BTD: variants seen among roughly 807,000 people sequenced by gnomAD.
BTD encodes the protein biotinidase, also known as biocytinase.
Under a neutral mutation model 17.7 loss-of-function variants are expected in BTD, and 13 were observed. That is an observed-to-expected ratio of 0.74 (90% CI 0.48 to 1.17). BTD has a LOEUF of 1.17. Among genes scored for constraint, BTD ranks in the 50% most tolerant of loss-of-function variants. The pLI is 0.00. For missense variants in BTD, 674 were observed against 650.4 expected, an observed-to-expected ratio of 1.04 and a Z score of -0.39; for synonymous variants, 240 against 245.2, an observed-to-expected ratio of 0.98 and a Z score of 0.20.
intron 3 of BTD, among the ~76,000 whole-genome samples, chr3:15,701,333 G>A (rs1219368428): frequency 1.3e-5 from 2 of 152,140 alleles, no homozygotes; most frequent in Non-Finnish European, 2.9e-5. Flanking sequence ...AAATTCTTTG[G>A]AGTCAAGCAT....
At chr3:15,603,963 C>T (rs1178435787) in intron 1 of BTD, among the ~76,000 whole-genome samples, 1 of 152,246 alleles carries the variant, frequency 6.6e-6, no homozygotes, top group East Asian at 1.9e-4. Context: ...CTACAACCCC[C>T]TCTCCCAGCT....
chr3:15,621,756 C>T lies in BTD; in HGVS notation c.-16-13668C>T, dbSNP rs574394143. Among the ~76,000 whole-genome samples, 88 of 152,166 alleles carry T rather than the reference C, an allele frequency of 5.8e-4. 1 individual carries two copies. Among genetic ancestry groups the T allele is most frequent in the Non-Finnish European group, 1.1e-3 (75 of 67,992 alleles). On this transcript the variant is annotated intron_variant, in intron 1 of 3. Coordinates refer to ENST00000643237, the MANE Select transcript of BTD (RefSeq NM_001370658.1). Reference sequence around the variant, plus strand: ...CTGGAATTACAGGTGCCCACCACCACGCCTGGCTAATTTTTGTATTTTTAG... The same window carrying T: ...CTGGAATTACAGGTGCCCACCACCATGCCTGGCTAATTTTTGTATTTTTAG...
At chr3:15,660,233 T>C (rs9869919) in intron 3 of BTD, among the ~76,000 whole-genome samples, 5,781 of 152,292 alleles carry the variant, frequency 0.038, 299 homozygotes, top group African/African-American at 0.12. Flanking sequence ...TGGGACCAAC[T>C]GGCTCCAAGA....
intron 1 of BTD, among the ~76,000 whole-genome samples, chr3:15,604,903 A>G (rs1340800120): frequency 1.3e-5 from 2 of 152,216 alleles, no homozygotes; most frequent in African/African-American, 4.8e-5. Flanking sequence ...GGTCAAAGCC[A>G]TTCAATAAGT....
intron 3 of BTD, chr3:15,669,441 T>C (rs944377657): frequency 6.6e-6 from 1 of 152,136 alleles, no homozygotes; most frequent in Non-Finnish European, 1.5e-5. Flanking sequence ...CAAACAAAAA[T>C]AGTACTATTT....
chr3:15,643,973 T>TTAATTAATTA (rs764353447), intron 3 of BTD, among the ~76,000 whole-genome samples: 7 of 55,776 alleles, frequency 1.3e-4, no homozygotes, highest in Non-Finnish European at 2.4e-4. Flanking sequence ...TTATTTAATT[T>TTAATTAATTA]ATTTATTTAT....
At chr3:15,631,796 G>A (rs60867671) in intron 1 of BTD, among the ~76,000 whole-genome samples, 4,911 of 152,224 alleles carry the variant, frequency 0.032, 255 homozygotes, top group African/African-American at 0.11. Context: ...TGACTTCTGC[G>A]CTACGTGAAC....
At chr3:15,658,543 C>T (rs1413041822), downstream of BTD, among the ~76,000 whole-genome samples, 1 of 151,644 alleles carries the variant, frequency 6.6e-6, no homozygotes, top group Non-Finnish European at 1.5e-5. Context: ...TTTTTTAAAC[C>T]GGATATTCAG....
At chr3:15,614,890 C>T (rs1426529716) in intron 1 of BTD, among the ~76,000 whole-genome samples, 1 of 152,182 alleles carries the variant, frequency 6.6e-6, no homozygotes, top group African/African-American at 2.4e-5. Flanking sequence ...AGCCACCACT[C>T]CCAGCCAACA....
intron 3 of BTD, among the ~76,000 whole-genome samples, chr3:15,690,997 T>G (rs1265512279): frequency 2.0e-5 from 3 of 152,132 alleles, no homozygotes; most frequent in Non-Finnish European, 4.4e-5. Flanking sequence ...TAATGTGCCA[T>G]AGCTAAAAAA....
chr3:15,635,315 C>A lies in BTD; in HGVS notation c.-16-109C>A. The stretch of plus-strand genomic sequence containing the variant: ...AAACAAACTCTTTGAGCCGCAGTAT[C>A]ACTGCGAGTGAGTTTAATTGCTGGG... On this transcript the variant is annotated intron_variant, in intron 1 of 3. Transcript: ENST00000643237. This position sits in a 1 kb window ranked among gnomAD's most constrained non-coding sequence, Gnocchi z 4.1. The A allele has an allele frequency of 6.7e-7, 1 of 1,490,312 alleles. No individual in the cohort carries two copies. Among genetic ancestry groups the A allele is most frequent in the African/African-American group, 1.4e-5 (1 of 72,752 alleles). 92.3% of individuals were successfully genotyped at this position (1,490,312 alleles called of 1,614,324 possible). A position where few individuals can be genotyped will look rare whatever the true frequency, so the allele number is the denominator to read the frequency against.
intron 3 of BTD, among the ~76,000 whole-genome samples, chr3:15,701,947 A>C (rs568001207): frequency 1.3e-5 from 2 of 151,838 alleles, no homozygotes; most frequent in African/African-American, 4.8e-5. Context: ...ATTTAAAAAA[A>C]ATCTTTAATC....
At chr3:15,696,108 C>G in intron 3 of BTD, 1 of 1,456,142 alleles carries the variant, frequency 6.9e-7, no homozygotes. Context: ...CCCATTAGGT[C>G]TTTCACAAGA....
Position 15,601,780 on chromosome 3 carries a change from C to T in BTD, c.-131C>T, listed in dbSNP as rs759544795. On this transcript the variant is annotated 5_prime_UTR_variant, in exon 1 of 4. Coordinates refer to ENST00000643237, the MANE Select transcript of BTD (RefSeq NM_001370658.1). Reference sequence around the variant, plus strand: ...TGCCTATGCAAAGCAGGTAAGAAGCCGAACTCTGAGGCCTCTCGCCATTGT... The same window carrying T: ...TGCCTATGCAAAGCAGGTAAGAAGCTGAACTCTGAGGCCTCTCGCCATTGT... The T allele has an allele frequency of 6.2e-7, 1 of 1,612,218 alleles. No homozygotes were observed. Among genetic ancestry groups the T allele is most frequent in the East Asian group, 2.2e-5 (1 of 44,872 alleles).
intron 3 of BTD, among the ~76,000 whole-genome samples, chr3:15,706,100 TTTA>T (rs2071343369): frequency 6.6e-6 from 1 of 152,126 alleles, no homozygotes; most frequent in Admixed American, 6.6e-5. Flanking sequence ...AAATCTTTTT[TTTA>T]TTGTTATACT....
intron 3 of BTD, among the ~76,000 whole-genome samples, chr3:15,681,880 C>T (rs1456771847): frequency 1.3e-5 from 2 of 152,128 alleles, no homozygotes; most frequent in African/African-American, 2.4e-5. Flanking sequence ...TTGCAATGCA[C>T]TGGAGAGTCC....
chr3:15,667,176 A>G (rs904720534), intron 3 of BTD: 3 of 152,264 alleles, frequency 2.0e-5, no homozygotes, highest in Non-Finnish European at 2.9e-5. Context: ...AAACTTGTCA[A>G]TTCAATGCTA....
chr3:15,664,211 G>A (rs2065955152), intron 3 of BTD, among the ~76,000 whole-genome samples: 1 of 152,252 alleles, frequency 6.6e-6, no homozygotes, highest in Non-Finnish European at 1.5e-5. Flanking sequence ...ATTAGTGATA[G>A]AGGGGTGTTG....
At chr3:15,642,310 C>A in intron 3 of BTD, 3 of 1,386,116 alleles carry the variant, frequency 2.2e-6, no homozygotes, top group Non-Finnish European at 2.8e-6. Context: ...ATACTTAAAC[C>A]AAACCAAAAG....
Sources: gnomAD v4.1 joint callset for allele counts (sites outside exome capture counted in the v4.1 genomes callset) on GRCh38, gnomAD v4.1.1 for gene constraint, Gnocchi (gnomAD v3.1) non-coding constraint, MANE v1.5 for transcripts, NCBI Gene and HGNC (gene_info 2026-07-23, HGNC 2026-07-21) for gene names.